Variants in WDSUB1 observed in about 807,000 individuals in gnomAD.
WDSUB1 encodes WD repeat, SAM and U-box domain-containing protein 1.
Under a neutral mutation model 53.9 loss-of-function variants are expected in WDSUB1, and 49 were observed. The observed-to-expected ratio is 0.91, with a 90% CI of 0.72 to 1.15. The LOEUF is 1.15. Ranked by LOEUF, WDSUB1 falls within the 50% of genes most tolerant of loss-of-function variation. WDSUB1 has a pLI of 0.00. For synonymous variants in WDSUB1, 194 were observed against 200.6 expected (o/e 0.97, Z 0.28); for missense variants, 514 against 562.0 (o/e 0.91, Z 0.86).
At chr2:159,272,718 A>G in intron 4 of WDSUB1, among the ~76,000 whole-genome samples, 1 of 152,210 alleles carries the variant, frequency 6.6e-6, no homozygotes, top group East Asian at 1.9e-4. Flanking sequence ...ATATTTTCTC[A>G]TCCTGTAAAA....
intron 8 of WDSUB1, among the ~76,000 whole-genome samples, 166 bp downstream of exon 8, chr2:159,257,592 T>G (rs547256031): frequency 2.0e-5 from 3 of 152,054 alleles, no homozygotes. Context: ...TTCACCATGT[T>G]GGCCAGGCTG....
At chr2:159,278,296 G>GT (rs1490357623) in intron 3 of WDSUB1, among the ~76,000 whole-genome samples, 10 of 152,076 alleles carry the variant, frequency 6.6e-5, no homozygotes, top group Non-Finnish European at 1.3e-4. Flanking sequence ...GGAGTTTAAC[G>GT]TAAGAATGGG....
At position 159,236,141 on chromosome 2, in the gene WDSUB1, C is replaced by CT; in HGVS notation, c.1322dup (p.Lys442GlufsTer20). 1 of 1,613,248 alleles carries CT rather than the reference C, an allele frequency of 6.2e-7. No individual in the cohort carries two copies. Among genetic ancestry groups the CT allele is most frequent in the South Asian group, 1.1e-5 (1 of 90,796 alleles). Reference sequence around the variant, plus strand: ...GATTTGTCATGGGACTTGTACGTTTCTTTTTGCTGATCCAATTTTCCATTG... The same window carrying CT: ...GATTTGTCATGGGACTTGTACGTTTCTTTTTTGCTGATCCAATTTTCCATTG... On this transcript the variant is annotated frameshift_variant, in exon 11 of 11. Transcript: ENST00000359774. LOFTEE classifies it high-confidence loss of function.
chr2:159,246,477 T>G (rs2060800423), intron 10 of WDSUB1, among the ~76,000 whole-genome samples: 1 of 147,298 alleles, frequency 6.8e-6, no homozygotes, highest in Admixed American at 6.7e-5. Flanking sequence ...TCATATCCAC[T>G]AAAATGGCAA....
chr2:159,260,891 T>C (rs2061174255), intron 5 of WDSUB1, among the ~76,000 whole-genome samples: 1 of 152,238 alleles, frequency 6.6e-6, no homozygotes, highest in Non-Finnish European at 1.5e-5. Flanking sequence ...AGGGAGCTGA[T>C]CACAGTCTGA....
rs1203993643 is a variant in WDSUB1 at position 159,259,811 on chromosome 2, G to GT, written c.802dup (p.Thr268AsnfsTer2). The stretch of plus-strand genomic sequence containing the variant: ...ACCACAAGATTTTTAAATACTTACA[G>GT]TATCATATACTATGACAGACTTATC... On this transcript the variant is annotated frameshift_variant and splice_region_variant, in exon 6 of 11. Coordinates refer to ENST00000359774, the MANE Select transcript of WDSUB1 (RefSeq NM_001128212.3). LOFTEE classifies it high-confidence loss of function. The GT allele has an allele frequency of 1.3e-6, 2 of 1,524,014 alleles. No homozygotes were observed. The highest frequency in any genetic ancestry group is 1.8e-6 in the Non-Finnish European group (2 of 1,120,952). 94.4% of individuals were successfully genotyped at this position (1,524,014 alleles called of 1,614,324 possible).
intron 5 of WDSUB1, among the ~76,000 whole-genome samples, chr2:159,265,332 T>C (rs560983800): frequency 6.9e-6 from 1 of 144,882 alleles, no homozygotes; most frequent in Admixed American, 6.8e-5. Flanking sequence ...CTCTCTCTCT[T>C]TTCTTCCTGT....
At chr2:159,250,088 C>CAAAAAAAAAAAAAAAAAAAAAAAAAAAAA (rs374038625) in intron 9 of WDSUB1, among the ~76,000 whole-genome samples, 16 of 83,536 alleles carry the variant, frequency 1.9e-4, no homozygotes, top group African/African-American at 5.7e-4. Flanking sequence ...GACTCTGCCT[C>CAAAAAAAAAAAAAAAAAAAAAAAAAAAAA]AAAAAAAAAA....
intron 10 of WDSUB1, among the ~76,000 whole-genome samples, chr2:159,247,996 AAC>A (rs1491006598): frequency 3.0e-5 from 1 of 33,732 alleles, no homozygotes; most frequent in Non-Finnish European, 8.1e-5. Flanking sequence ...TAGGTCTGTT[AAC>A]ACTTAGAAAT....
rs961813656 is a variant in WDSUB1, at chr2:159,282,991, T to C, written c.79A>G (p.Thr27Ala). The C allele has an allele frequency of 3.1e-6, 5 of 1,614,074 alleles. No individual in the cohort carries two copies. Among genetic ancestry groups the C allele is most frequent in the African/African-American group, 2.7e-5 (2 of 74,924 alleles). ...CGAATTGTTTTGTCCAAGGAGCAAGTAGCCAAGAGGGAAAAGGAGAAGGCA... is the reference window on the plus strand; with the variant it reads ...CGAATTGTTTTGTCCAAGGAGCAAGCAGCCAAGAGGGAAAAGGAGAAGGCA... ...CCAFSFSLLA[T>A]CSLDKTIRLY... The change falls in exon 2 of 11, where the codon ACT becomes GCT. Residue 27 changes from threonine to alanine, a missense_variant. Physicochemically the swap from Thr to Ala is moderately conservative, Grantham distance 58 (BLOSUM62 0). Coordinates refer to ENST00000359774, the MANE Select transcript of WDSUB1 (RefSeq NM_001128212.3).
intron 5 of WDSUB1, among the ~76,000 whole-genome samples, chr2:159,266,081 A>G (rs6729870): frequency 6.6e-6 from 1 of 152,058 alleles, no homozygotes; most frequent in Admixed American, 6.5e-5. Flanking sequence ...AATGAATTTA[A>G]AATATTTCAG....
At chr2:159,257,695 C>T in intron 8 of WDSUB1, 63 bp downstream of exon 8, 1 of 1,471,196 alleles carries the variant, frequency 6.8e-7, no homozygotes, top group South Asian at 1.1e-5. Flanking sequence ...GCCCGATTTA[C>T]TAACTTTCTG....
intron 10 of WDSUB1, among the ~76,000 whole-genome samples, chr2:159,238,253 G>C (rs2060540464): frequency 1.3e-5 from 2 of 150,602 alleles, no homozygotes; most frequent in African/African-American, 5.0e-5. Context: ...GATTCCCAGA[G>C]AGCGAAGTTT....
chr2:159,282,052 T>C (rs757047391), intron 2 of WDSUB1, among the ~76,000 whole-genome samples: 107 of 134,874 alleles, frequency 7.9e-4, no homozygotes, highest in Non-Finnish European at 1.5e-3. Flanking sequence ...AAAATACTGC[T>C]TTAACTCTTA....
chr2:159,252,081 GAAC>G (rs1358901095), intron 9 of WDSUB1, among the ~76,000 whole-genome samples: 2 of 152,120 alleles, frequency 1.3e-5, no homozygotes, highest in African/African-American at 2.4e-5. Context: ...CCCTGACAGA[GAAC>G]AACAGAACCA....
rs1189105933 is a variant in WDSUB1, at chr2:159,247,892, T to C, written c.1273+480A>G. Among the ~76,000 whole-genome samples the C allele has an allele frequency of 2.1e-4, 6 of 28,354 alleles. No individual in the cohort carries two copies. In the East Asian group the frequency reaches 5.1e-3, roughly 24 times the overall value. 18.6% of individuals were successfully genotyped at this position (28,354 alleles called of 152,430 possible). A position where few individuals can be genotyped will look rare whatever the true frequency, so the allele number is the denominator to read the frequency against. ...TGTAGGCCAAAATTAAATAAATATATATATATATATATATATAAATATATA... is the reference window on the plus strand; with the variant it reads ...TGTAGGCCAAAATTAAATAAATATACATATATATATATATATAAATATATA... On this transcript the variant is annotated intron_variant, in intron 10 of 10. Coordinates refer to ENST00000359774, the MANE Select transcript of WDSUB1 (RefSeq NM_001128212.3).
intron 2 of WDSUB1, among the ~76,000 whole-genome samples, chr2:159,280,657 C>T (rs2061642164): frequency 7.6e-6 from 1 of 131,596 alleles, no homozygotes; most frequent in Non-Finnish European, 1.5e-5. Flanking sequence ...CGCCACTGCA[C>T]TCCAGCCTGG....
At position 159,277,930 on chromosome 2, in the gene WDSUB1, G is replaced by A. The variant is rs954842654; in HGVS notation, c.583+1831C>T. Among the ~76,000 whole-genome samples the A allele has an allele frequency of 3.9e-5, 6 of 152,206 alleles. No individual in the cohort carries two copies. In the Middle Eastern group the frequency reaches 0.014, roughly 345 times the overall value. ...TGTTCTAAAGGCAGGGTGGGGATGT[G>A]GGTATCATTTCAGAATCTCACCTAG... On this transcript the variant is annotated intron_variant, in intron 3 of 10. Coordinates refer to ENST00000359774, the MANE Select transcript of WDSUB1 (RefSeq NM_001128212.3).
At chr2:159,264,420 C>G (rs1575469955) in intron 5 of WDSUB1, among the ~76,000 whole-genome samples, 1 of 152,210 alleles carries the variant, frequency 6.6e-6, no homozygotes, top group African/African-American at 2.4e-5. Context: ...CAAGAGGGGG[C>G]TGTTCATGAA....
Sources: gnomAD v4.1 joint callset for allele counts (sites outside exome capture counted in the v4.1 genomes callset) on GRCh38, gnomAD v4.1.1 for gene constraint, MANE v1.5 for transcripts, NCBI Gene and HGNC (gene_info 2026-07-23, HGNC 2026-07-21) for gene names.